ADGB: variants seen among roughly 807,000 people sequenced by gnomAD.
ADGB encodes the protein androglobin, also known as calpain-7-like protein.
Under a neutral mutation model 210.5 loss-of-function variants are expected in ADGB, and 172 were observed. The ratio of observed to expected loss-of-function variants is 0.82; its 90% CI spans 0.72 to 0.93. The LOEUF (loss-of-function observed/expected upper bound fraction) is 0.93, where lower values mean the gene tolerates loss of function less well. Ranked by LOEUF, ADGB falls within the 40% of genes least tolerant of loss-of-function variation. The pLI is 0.00. For missense variants in ADGB, 2,025 were observed against 1,964.8 expected, an observed-to-expected ratio of 1.03 and a Z score of -0.58; for synonymous variants, 658 against 662.7, an observed-to-expected ratio of 0.99 and a Z score of 0.11.
At position 146,728,579 on chromosome 6, in the gene ADGB, C is replaced by G. The variant is rs1776933083; in HGVS notation, c.2358C>G (p.Ser786Arg). The G allele has an allele frequency of 6.4e-7, 1 of 1,550,772 alleles. No homozygotes were observed. Among genetic ancestry groups the G allele is most frequent in the Non-Finnish European group, 8.7e-7 (1 of 1,146,424 alleles). Residue 786 changes from serine (S) to arginine (R), a missense_variant, in exon 20 of 36, where the codon AGC becomes AGG. Ser to Arg is a moderately radical substitution (Grantham distance 110). Transcript: ENST00000397944. ...GCCATGCTTTGTCTTCACAGGAGAG[C>G]TGCCGATTTACGGAACAGTCTCTGT... ...HVVLPNFEPESCRFTEQSLLI... is the reference protein window; with the variant it reads ...HVVLPNFEPERCRFTEQSLLI...
intron 28 of ADGB, among the ~76,000 whole-genome samples, chr6:146,767,940 C>T (rs372707156): frequency 2.3e-4 from 35 of 149,398 alleles, no homozygotes; most frequent in African/African-American, 6.3e-4. Context: ...TCCTCTACAC[C>T]GGCACTATGC....
chr6:146,640,368 T>C (rs1273952208), intron 2 of ADGB, among the ~76,000 whole-genome samples: 1 of 151,956 alleles, frequency 6.6e-6, no homozygotes, highest in Non-Finnish European at 1.5e-5. Context: ...CTGAAACTCT[T>C]CTAAAAAGTT....
At chr6:146,695,177 G>T (rs968757598) in intron 12 of ADGB, among the ~76,000 whole-genome samples, 2 of 152,054 alleles carry the variant, frequency 1.3e-5, no homozygotes, top group Admixed American at 6.6e-5. Context: ...CCGGGGCTTT[G>T]TTTCAGTGAT....
intron 33 of ADGB, among the ~76,000 whole-genome samples, chr6:146,791,343 C>A (rs1434355391): frequency 6.6e-6 from 1 of 151,984 alleles, no homozygotes; most frequent in Non-Finnish European, 1.5e-5. Flanking sequence ...AGTTTTTAAT[C>A]TATTTTTAGT....
rs142651450 is a variant in ADGB at position 146,757,224 on chromosome 6, A to G, written c.3550+4510A>G. On this transcript the variant is annotated intron_variant, in intron 27 of 35. Coordinates refer to ENST00000397944, the MANE Select transcript of ADGB (RefSeq NM_024694.4). ...TATAGTTATCATAAATTATATAAATATTTTCAATATTCAATGATATTTGCT... is the reference window on the plus strand; with the variant it reads ...TATAGTTATCATAAATTATATAAATGTTTTCAATATTCAATGATATTTGCT... 3.5e-3 allele frequency among the ~76,000 whole-genome samples: 531 copies of G among 152,112 alleles called. 2 individuals carry two copies. Among genetic ancestry groups the G allele is most frequent in the African/African-American group, 0.012 (509 of 41,532 alleles).
intron 1 of ADGB, among the ~76,000 whole-genome samples, chr6:146,605,426 A>G (rs1780617945): frequency 6.6e-6 from 1 of 152,190 alleles, no homozygotes; most frequent in Non-Finnish European, 1.5e-5. Context: ...ATCCTGTCTG[A>G]AAAAGAAAAT....
At chr6:146,668,624 A>G (rs923573248) in intron 7 of ADGB, among the ~76,000 whole-genome samples, 8 of 152,084 alleles carry the variant, frequency 5.3e-5, no homozygotes, top group African/African-American at 1.7e-4. Context: ...ATAAATTTTT[A>G]TACTTAGTGT....
intron 10 of ADGB, among the ~76,000 whole-genome samples, chr6:146,686,568 A>G (rs947964044): frequency 3.3e-5 from 5 of 152,124 alleles, no homozygotes; most frequent in African/African-American, 1.2e-4. Context: ...TTTAATCAAT[A>G]TGTTTAGTGC....
intron 29 of ADGB, 61 bp downstream of exon 29, chr6:146,769,192 T>C: frequency 1.3e-6 from 1 of 792,830 alleles, no homozygotes; most frequent in East Asian, 2.7e-5. Context: ...TATTTAAATA[T>C]TTAATAATAA....
rs1213214993 is a variant in ADGB at position 146,801,955 on chromosome 6, C to T, written c.4762C>T (p.Gln1588Ter). 6.4e-7 allele frequency: 1 copy of T among 1,550,390 alleles called. No individual in the cohort carries two copies. Among genetic ancestry groups the T allele is most frequent in the Non-Finnish European group, 8.7e-7 (1 of 1,146,482 alleles). Residue 1588 changes from glutamine (Q) to a stop codon, truncating the protein, a stop_gained, in exon 35 of 36, where the codon CAA (glutamine) becomes TAA (stop). Transcript: ENST00000397944. LOFTEE classifies it high-confidence loss of function. ...AGTCCTTAGCATTCGAAACATTGAC[C>T]AAGAAGAGCGGTTGAAGTTAAAGGA... ...TRVLSIRNID[Q>*]EERLKLKDEV...
intron 1 of ADGB, among the ~76,000 whole-genome samples, chr6:146,615,652 T>G (rs1040013304): frequency 1.3e-5 from 2 of 152,174 alleles, no homozygotes. Context: ...TCAGATCAAC[T>G]TTTTTAGCTC....
Position 146,676,325 on chromosome 6 carries a change from C to G in ADGB, c.1100C>G (p.Ala367Gly), listed in dbSNP as rs989072278. The change falls in exon 9 of 36, where the codon GCA becomes GGA. Residue 367 changes from alanine (A) to glycine (G), a missense_variant. Coordinates refer to ENST00000397944, the MANE Select transcript of ADGB (RefSeq NM_024694.4). ...TTTCATATGTTAGAGAAAGCAGATG[C>G]AAGAGACATTGGAAAGAAGAGAAGC... ...SDKVPKEKAD[A>G]RDIGKKRSKD... is the part of the protein sequence containing the mutation. 4.5e-6 allele frequency: 7 copies of G among 1,546,578 alleles called. No homozygotes were observed. In the African/African-American group the frequency reaches 8.3e-5, roughly 18 times the overall value.
intron 7 of ADGB, among the ~76,000 whole-genome samples, chr6:146,671,750 T>C (rs1381305896): frequency 6.6e-6 from 1 of 152,054 alleles, no homozygotes; most frequent in African/African-American, 2.4e-5. Flanking sequence ...GTAATTTCTA[T>C]GACAACAGAA....
intron 16 of ADGB, among the ~76,000 whole-genome samples, chr6:146,718,221 C>T (rs947576699): frequency 3.3e-5 from 5 of 152,038 alleles, no homozygotes; most frequent in African/African-American, 1.2e-4. Context: ...GTGGCATGCG[C>T]CTGTAATCTC....
intron 30 of ADGB, among the ~76,000 whole-genome samples, chr6:146,784,012 G>A (rs968301548): frequency 6.6e-6 from 1 of 152,172 alleles, no homozygotes; most frequent in Admixed American, 6.6e-5. Flanking sequence ...AATGTGTACA[G>A]TTTTAAGTAA....
At chr6:146,650,536 T>G (rs922362753) in intron 3 of ADGB, among the ~76,000 whole-genome samples, 1 of 134,924 alleles carries the variant, frequency 7.4e-6, no homozygotes, top group African/African-American at 2.7e-5. Context: ...ATTCACATGT[T>G]TTTTTTTTTC....
intron 3 of ADGB, among the ~76,000 whole-genome samples, chr6:146,647,088 C>CAAAAAAAA (rs780260770): frequency 1.8e-5 from 2 of 110,832 alleles, no homozygotes; most frequent in African/African-American, 3.5e-5. Flanking sequence ...GAGCCTGTCT[C>CAAAAAAAA]AAAAAAAAAC....
intron 32 of ADGB, 40 bp from the exon 33 acceptor site, chr6:146,788,349 G>T: frequency 6.6e-7 from 1 of 1,524,180 alleles, no homozygotes; most frequent in South Asian, 1.2e-5. Context: ...TGATTTCATG[G>T]AACGCCAGCT....
chr6:146,803,223 T>A (rs1583647101), intron 35 of ADGB: 1 of 1,545,674 alleles, frequency 6.5e-7, no homozygotes, highest in Admixed American at 1.7e-5. Flanking sequence ...CAATCTCATA[T>A]TCCTGCTGAA....
Sources: allele counts gnomAD v4.1 joint callset (sites outside exome capture counted in the v4.1 genomes callset), GRCh38; gene constraint gnomAD v4.1.1; transcripts MANE v1.5; gene names NCBI Gene and HGNC (gene_info 2026-07-23, HGNC 2026-07-21).